The following LRRC4C variants were observed in gnomAD, a reference collection of about 807,000 sequenced individuals.
LRRC4C encodes leucine rich repeat containing 4C, also known as leucine-rich repeat-containing protein 4C.
LRRC4C carries 5 observed loss-of-function variants against 33.6 expected under a neutral mutation model. The observed-to-expected ratio is 0.15, with a 90% CI of 0.08 to 0.31. The LOEUF (loss-of-function observed/expected upper bound fraction) is 0.31. Among genes scored for constraint, LRRC4C ranks in the 10% least tolerant of loss-of-function variants. LRRC4C has a pLI of 1.00. For missense variants in LRRC4C, 560 were observed against 796.7 expected (o/e 0.70, Z 3.58); for synonymous variants, 329 against 302.0 (o/e 1.09, Z -0.93).
intron 1 of LRRC4C, among the ~76,000 whole-genome samples, chr11:41,269,746 T>G (rs561291671): frequency 4.0e-4 from 61 of 152,252 alleles, no homozygotes; most frequent in Non-Finnish European, 7.4e-4. Context: ...ATAATAATTT[T>G]GGCTTACATG....
At chr11:40,558,695 A>AT (rs371265507) in intron 3 of LRRC4C, among the ~76,000 whole-genome samples, 111 of 152,216 alleles carry the variant, frequency 7.3e-4, no homozygotes, top group African/African-American at 2.5e-3. Flanking sequence ...AACGGACATG[A>AT]TTTTTTAAAA....
At chr11:40,898,658 G>A (rs964621835) in intron 2 of LRRC4C, among the ~76,000 whole-genome samples, 3 of 151,944 alleles carry the variant, frequency 2.0e-5, no homozygotes, top group African/African-American at 7.3e-5. Flanking sequence ...AGAAAACTCA[G>A]AACTCCATTA....
intron 2 of LRRC4C, among the ~76,000 whole-genome samples, chr11:40,727,722 C>T (rs61886857): frequency 0.15 from 22,257 of 152,040 alleles, 1,731 homozygotes; most frequent in African/African-American, 0.17. Context: ...AAACATATAA[C>T]CCTATTACAA....
At chr11:40,787,339 C>T (rs753073882) in intron 2 of LRRC4C, among the ~76,000 whole-genome samples, 4 of 152,116 alleles carry the variant, frequency 2.6e-5, no homozygotes, top group African/African-American at 7.2e-5. Flanking sequence ...GGTGACAGTC[C>T]GTTAGTGAAT....
chr11:40,131,841 C>T (rs1482772503), intron 6 of LRRC4C, among the ~76,000 whole-genome samples: 1 of 152,096 alleles, frequency 6.6e-6, no homozygotes, highest in Non-Finnish European at 1.5e-5. Context: ...AATAATATAA[C>T]ACTAAAACAA....
Position 40,539,308 on chromosome 11 carries a change from A to G in LRRC4C, c.-270+108834T>C, listed in dbSNP as rs139408358. Among the ~76,000 whole-genome samples the G allele has an allele frequency of 9.8e-3, 1,485 of 152,222 alleles. 17 individuals are homozygous for G. The highest frequency in any genetic ancestry group is 0.03 in the African/African-American group (1,258 of 41,542). On this transcript the variant is annotated intron_variant, in intron 3 of 6. Coordinates refer to ENST00000528697, the MANE Select transcript of LRRC4C (RefSeq NM_001258419.2). ...ACTGCTTGGACATGTAAAATTATCT[A>G]TTCTATGCTCAGTAGTACCTATATT...
At chr11:40,682,806 C>G (rs1195200384) in intron 2 of LRRC4C, among the ~76,000 whole-genome samples, 1 of 151,032 alleles carries the variant, frequency 6.6e-6, no homozygotes, top group African/African-American at 2.4e-5. Context: ...TTTATACACT[C>G]TTTCACAACA....
chr11:41,031,687 G>A (rs1856737235), intron 1 of LRRC4C, among the ~76,000 whole-genome samples: 1 of 151,990 alleles, frequency 6.6e-6, no homozygotes, highest in Non-Finnish European at 1.5e-5. Flanking sequence ...ACTAAATCCA[G>A]TGGGTAGAAA....
intron 2 of LRRC4C, among the ~76,000 whole-genome samples, chr11:40,729,879 G>C (rs1277273217): frequency 6.6e-6 from 1 of 152,180 alleles, no homozygotes; most frequent in African/African-American, 2.4e-5. Flanking sequence ...AGTAGAGAGA[G>C]ATGCTGAAAA....
chr11:40,118,874 A>G (rs1310942128), intron 6 of LRRC4C, among the ~76,000 whole-genome samples: 2 of 152,170 alleles, frequency 1.3e-5, no homozygotes, highest in African/African-American at 4.8e-5. Context: ...AAAAATGATA[A>G]TGAGAGGTTA....
At chr11:41,020,377 G>A (rs1855875847) in intron 1 of LRRC4C, among the ~76,000 whole-genome samples, 1 of 152,008 alleles carries the variant, frequency 6.6e-6, no homozygotes, top group Non-Finnish European at 1.5e-5. Flanking sequence ...GTGGAAATAG[G>A]GTCTTTGCAT....
chr11:40,678,301 C>T (rs924927113), intron 2 of LRRC4C, among the ~76,000 whole-genome samples: 2 of 152,026 alleles, frequency 1.3e-5, no homozygotes, highest in Admixed American at 1.3e-4. Context: ...TCCTCCTTCT[C>T]CCCCATCTAA....
At chr11:40,727,501 A>T (rs1947341554) in intron 2 of LRRC4C, among the ~76,000 whole-genome samples, 1 of 152,088 alleles carries the variant, frequency 6.6e-6, no homozygotes, top group South Asian at 2.1e-4. Context: ...CAGAACATCA[A>T]CCTGAGCAAA....
chr11:41,088,825 C>T (rs911947177), intron 1 of LRRC4C, among the ~76,000 whole-genome samples: 1 of 151,950 alleles, frequency 6.6e-6, no homozygotes, highest in Non-Finnish European at 1.5e-5. Context: ...ATGGAGATTA[C>T]CTCCAATACT....
chr11:40,492,143 T>C (rs1954192662), intron 3 of LRRC4C, among the ~76,000 whole-genome samples: 1 of 152,202 alleles, frequency 6.6e-6, no homozygotes, highest in Non-Finnish European at 1.5e-5. Context: ...TAATTGCAAG[T>C]GTTTACTAAA....
intron 6 of LRRC4C, 59 bp downstream of exon 6, chr11:40,140,742 A>G (rs1280118852): frequency 6.6e-6 from 1 of 152,362 alleles, no homozygotes. Flanking sequence ...ACTTCACATT[A>G]GCTGCAGTTG....
At chr11:40,908,632 T>C (rs1364107743) in intron 2 of LRRC4C, among the ~76,000 whole-genome samples, 2 of 152,160 alleles carry the variant, frequency 1.3e-5, no homozygotes, top group African/African-American at 2.4e-5. Context: ...TTCTAAAAAA[T>C]TGTCAATCCC....
At chr11:40,964,065 C>T (rs980298326) in intron 1 of LRRC4C, among the ~76,000 whole-genome samples, 1 of 151,298 alleles carries the variant, frequency 6.6e-6, no homozygotes, top group Non-Finnish European at 1.5e-5. Context: ...CTTACAAATA[C>T]CTGCTGCTAT....
intron 1 of LRRC4C, among the ~76,000 whole-genome samples, chr11:41,030,116 C>A (rs534965713): frequency 2.1e-4 from 32 of 151,812 alleles, no homozygotes; most frequent in South Asian, 2.1e-3. Context: ...TGCCATCTAT[C>A]ATAAAGGCTG....
Sources: gnomAD v4.1 joint callset for allele counts (sites outside exome capture counted in the v4.1 genomes callset) on GRCh38, gnomAD v4.1.1 for gene constraint, MANE v1.5 for transcripts, NCBI Gene and HGNC (gene_info 2026-07-23, HGNC 2026-07-21) for gene names.